NLGN1: variants seen among roughly 807,000 people sequenced by gnomAD.
NLGN1 encodes neuroligin-1.
NLGN1 carries 12 observed loss-of-function variants against 65.5 expected under a neutral mutation model. The observed-to-expected ratio is 0.18, with a 90% confidence interval of 0.12 to 0.30. NLGN1 has a LOEUF of 0.30. NLGN1 is among the 10% of genes least tolerant of loss of function. NLGN1 has a pLI of 1.00. For missense variants in NLGN1, 750 were observed against 1,007.1 expected, an observed-to-expected ratio of 0.74 and a Z score of 3.46; for synonymous variants, 350 against 359.5, an observed-to-expected ratio of 0.97 and a Z score of 0.30.
chr3:173,722,488 C>T (rs897353501), intron 3 of NLGN1, among the ~76,000 whole-genome samples: 2 of 152,056 alleles, frequency 1.3e-5, no homozygotes, highest in East Asian at 3.9e-4. Flanking sequence ...GATGTGCCCG[C>T]CTTGGCTTCC....
At chr3:173,534,729 G>T (rs1167798687) in intron 2 of NLGN1, among the ~76,000 whole-genome samples, 1 of 152,072 alleles carries the variant, frequency 6.6e-6, no homozygotes, top group Non-Finnish European at 1.5e-5. Context: ...ATTACCCAAG[G>T]CCACACCAAT....
At chr3:174,111,227 G>A (rs890881703) in intron 4 of NLGN1, among the ~76,000 whole-genome samples, 10 of 151,928 alleles carry the variant, frequency 6.6e-5, no homozygotes, top group African/African-American at 2.2e-4. Flanking sequence ...ATAAGCTAGT[G>A]AAGCAGGCAA....
At chr3:173,618,388 G>A (rs113973806) in intron 3 of NLGN1, among the ~76,000 whole-genome samples, 1 of 151,956 alleles carries the variant, frequency 6.6e-6, no homozygotes, top group Non-Finnish European at 1.5e-5. Flanking sequence ...GTAGAGATGC[G>A]GTCTCCCTAA....
intron 4 of NLGN1, among the ~76,000 whole-genome samples, chr3:173,859,723 A>T (rs1728695727): frequency 6.6e-6 from 1 of 152,036 alleles, no homozygotes; most frequent in African/African-American, 2.4e-5. Flanking sequence ...GGAACCAAAT[A>T]ATTTTTAGAG....
intron 1 of NLGN1, among the ~76,000 whole-genome samples, chr3:173,405,078 T>A (rs1484905944): frequency 6.6e-6 from 1 of 152,120 alleles, no homozygotes; most frequent in Non-Finnish European, 1.5e-5. Flanking sequence ...TTTATCCTAT[T>A]CAGAACCTCT....
chr3:173,826,586 T>A (rs1721381286), intron 4 of NLGN1, among the ~76,000 whole-genome samples: 1 of 152,126 alleles, frequency 6.6e-6, no homozygotes, highest in African/African-American at 2.4e-5. Flanking sequence ...CTTCAAATGC[T>A]GGTTTGCAGT....
intron 2 of NLGN1, among the ~76,000 whole-genome samples, chr3:173,527,253 C>G (rs889543509): frequency 1.3e-5 from 2 of 152,184 alleles, no homozygotes; most frequent in Non-Finnish European, 2.9e-5. Flanking sequence ...AAAAGCCACT[C>G]TAACTGAGGT....
At chr3:173,529,034 G>A (rs1736108567) in intron 2 of NLGN1, among the ~76,000 whole-genome samples, 6 of 152,132 alleles carry the variant, frequency 3.9e-5, no homozygotes, top group Admixed American at 3.9e-4. Flanking sequence ...GAATTCTTAT[G>A]CTGGATCCTT....
intron 2 of NLGN1, among the ~76,000 whole-genome samples, chr3:173,447,812 CTT>C (rs1462398136): frequency 6.6e-6 from 1 of 152,106 alleles, no homozygotes; most frequent in Non-Finnish European, 1.5e-5. Context: ...ATTTTATTCT[CTT>C]TGAAGCAGTT....
At chr3:173,771,445 T>G (rs1315181411) in intron 3 of NLGN1, among the ~76,000 whole-genome samples, 1 of 152,170 alleles carries the variant, frequency 6.6e-6, no homozygotes, top group Non-Finnish European at 1.5e-5. Flanking sequence ...ATGTTATAAT[T>G]CAAGAAAAAT....
chr3:174,239,020 A>G (rs1406104517), intron 4 of NLGN1, among the ~76,000 whole-genome samples: 3 of 152,052 alleles, frequency 2.0e-5, no homozygotes, highest in African/African-American at 7.2e-5. Flanking sequence ...ACCTACAGCT[A>G]AAATGCAGAA....
intron 3 of NLGN1, among the ~76,000 whole-genome samples, chr3:173,776,108 T>C (rs1780264329): frequency 6.6e-6 from 1 of 152,072 alleles, no homozygotes; most frequent in African/African-American, 2.4e-5. Flanking sequence ...CCGACTAGTA[T>C]TTTTCTTAAC....
chr3:173,820,139 A>G (rs1389632587), intron 4 of NLGN1, among the ~76,000 whole-genome samples: 1 of 149,902 alleles, frequency 6.7e-6, no homozygotes, highest in Non-Finnish European at 1.5e-5. Context: ...AGATGGCGCC[A>G]CTGCACTCCA....
At chr3:173,786,365 GT>G (rs1781962269) in intron 3 of NLGN1, among the ~76,000 whole-genome samples, 1 of 151,830 alleles carries the variant, frequency 6.6e-6, no homozygotes. Flanking sequence ...CTGTGATCTT[GT>G]TCTCATATGT....
intron 2 of NLGN1, among the ~76,000 whole-genome samples, chr3:173,470,678 G>C (rs556657985): frequency 2.6e-5 from 4 of 152,236 alleles, no homozygotes; most frequent in Non-Finnish European, 4.4e-5. Flanking sequence ...GTCTAAAACA[G>C]TCTTTGGTAG....
chr3:174,126,973 A>G (rs1205920668), intron 4 of NLGN1, among the ~76,000 whole-genome samples: 1 of 152,100 alleles, frequency 6.6e-6, no homozygotes, highest in African/African-American at 2.4e-5. Context: ...TCTATTGGTA[A>G]GATAGATAGT....
chr3:174,258,610 G>A (rs541992930), intron 4 of NLGN1, among the ~76,000 whole-genome samples: 34 of 152,288 alleles, frequency 2.2e-4, no homozygotes, highest in African/African-American at 8.2e-4. Flanking sequence ...AGTGCATGGA[G>A]ATGATACAAC....
intron 4 of NLGN1, among the ~76,000 whole-genome samples, chr3:174,017,876 T>C (rs1726929502): frequency 6.6e-6 from 1 of 152,176 alleles, no homozygotes; most frequent in Non-Finnish European, 1.5e-5. Flanking sequence ...CGTGTTGTCA[T>C]TGATAACATC....
At chr3:173,803,762 T>G (rs1187744096) in intron 3 of NLGN1, among the ~76,000 whole-genome samples, 1 of 152,116 alleles carries the variant, frequency 6.6e-6, no homozygotes, top group Non-Finnish European at 1.5e-5. Context: ...CATTCAGTGG[T>G]TCTGAATGAT....
Sources: gnomAD v4.1 joint callset for allele counts (sites outside exome capture counted in the v4.1 genomes callset) on GRCh38, gnomAD v4.1.1 for gene constraint, MANE v1.5 for transcripts, NCBI Gene and HGNC (gene_info 2026-07-23, HGNC 2026-07-21) for gene names.